The following RELN variants were observed in gnomAD, a reference collection of about 807,000 sequenced individuals.
RELN encodes the protein reelin.
RELN carries 108 observed loss-of-function variants against 427.6 expected under a neutral mutation model. The ratio of observed to expected loss-of-function variants is 0.25; its 90% CI spans 0.22 to 0.30. The LOEUF (loss-of-function observed/expected upper bound fraction) is 0.30. Ranked by LOEUF, RELN falls within the 10% of genes least tolerant of loss-of-function variation. The pLI is 1.00. For synonymous variants in RELN, 1,524 were observed against 1,513.4 expected, an observed-to-expected ratio of 1.01 and a Z score of -0.16; for missense variants, 3,715 against 4,302.8, an observed-to-expected ratio of 0.86 and a Z score of 3.82.
chr7:103,794,533 A>C (rs1792249954), intron 3 of RELN, among the ~76,000 whole-genome samples: 1 of 152,188 alleles, frequency 6.6e-6, no homozygotes, highest in African/African-American at 2.4e-5. Context: ...TGCATATCTA[A>C]GTTGCAACAA....
intron 36 of RELN, among the ~76,000 whole-genome samples, chr7:103,558,325 A>G (rs1830569345): frequency 6.6e-6 from 1 of 152,224 alleles, no homozygotes; most frequent in South Asian, 2.1e-4. Flanking sequence ...AAATGATAGC[A>G]TTACATATCT....
intron 2 of RELN, among the ~76,000 whole-genome samples, chr7:103,901,949 T>C (rs1473750821): frequency 1.3e-5 from 2 of 152,076 alleles, no homozygotes; most frequent in Non-Finnish European, 2.9e-5. Flanking sequence ...ACCAGAATAT[T>C]CCAAGCTTTT....
chr7:103,633,291 A>G (rs1389870375), intron 19 of RELN, among the ~76,000 whole-genome samples: 1 of 152,114 alleles, frequency 6.6e-6, no homozygotes, highest in Non-Finnish European at 1.5e-5. Context: ...AAATATAGCA[A>G]ATAGCTAAAG....
chr7:103,727,543 G>A (rs1790243041), intron 7 of RELN, among the ~76,000 whole-genome samples: 1 of 152,110 alleles, frequency 6.6e-6, no homozygotes, highest in African/African-American at 2.4e-5. Flanking sequence ...TTTTATATAT[G>A]ATTTGGCAAG....
intron 10 of RELN, among the ~76,000 whole-genome samples, chr7:103,683,430 C>T (rs1034103931): frequency 6.6e-6 from 1 of 152,134 alleles, no homozygotes; most frequent in African/African-American, 2.4e-5. Flanking sequence ...AGATATATAA[C>T]ATGATTTTCT....
At chr7:103,927,568 A>C (rs1309738933) in intron 1 of RELN, among the ~76,000 whole-genome samples, 1 of 152,194 alleles carries the variant, frequency 6.6e-6, no homozygotes, top group Non-Finnish European at 1.5e-5. Flanking sequence ...GGGAAAGTAT[A>C]AAAGATGAAA....
At chr7:103,634,347 C>A (rs1832532954) in intron 19 of RELN, among the ~76,000 whole-genome samples, 1 of 152,158 alleles carries the variant, frequency 6.6e-6, no homozygotes, top group Non-Finnish European at 1.5e-5. Context: ...GGAATTTTAA[C>A]TTTAAACCTT....
At chr7:103,811,615 G>A (rs1485237616) in intron 3 of RELN, among the ~76,000 whole-genome samples, 1 of 152,132 alleles carries the variant, frequency 6.6e-6, no homozygotes, top group Non-Finnish European at 1.5e-5. Context: ...TAAATAACAA[G>A]TCATTAATTC....
chr7:103,603,985 C>T lies in RELN; in HGVS notation c.3146+361G>A, dbSNP rs767801545. On this transcript the variant is annotated intron_variant, in intron 23 of 64. Transcript: ENST00000428762. This position sits in a 1 kb window ranked among gnomAD's most constrained non-coding sequence, Gnocchi z 4.3. Reference sequence around the variant, plus strand: ...AATCACCATCTCCCCATGTATACAACCTTGAACTTCTGGTGAAGTGGTGTA... The same window carrying T: ...AATCACCATCTCCCCATGTATACAATCTTGAACTTCTGGTGAAGTGGTGTA... Among the ~76,000 whole-genome samples, 3 of 152,014 alleles carry T rather than the reference C, an allele frequency of 2.0e-5. No homozygotes were observed. The South Asian group carries it at 6.2e-4, about 32-fold the overall frequency.
intron 4 of RELN, among the ~76,000 whole-genome samples, chr7:103,755,375 G>A (rs1186212036): frequency 1.3e-5 from 2 of 151,936 alleles, no homozygotes; most frequent in African/African-American, 4.8e-5. Flanking sequence ...TTGGGAGGCC[G>A]AGACGGGCCG....
At chr7:103,496,213 G>A (rs1458118201) in intron 56 of RELN, among the ~76,000 whole-genome samples, 1 of 152,170 alleles carries the variant, frequency 6.6e-6, no homozygotes, top group African/African-American at 2.4e-5. Flanking sequence ...TTGTCAGCCA[G>A]TGCATTAAGT....
intron 25 of RELN, among the ~76,000 whole-genome samples, chr7:103,594,773 A>G (rs1432606830): frequency 6.6e-6 from 1 of 152,214 alleles, no homozygotes; most frequent in Non-Finnish European, 1.5e-5. Context: ...TTTGACTACC[A>G]TGACAATGGT....
intron 25 of RELN, among the ~76,000 whole-genome samples, chr7:103,594,763 T>C (rs1048924304): frequency 6.6e-6 from 1 of 152,208 alleles, no homozygotes; most frequent in Non-Finnish European, 1.5e-5. Flanking sequence ...AACTATATCT[T>C]TTGACTACCA....
At chr7:103,913,917 A>G (rs1193254851) in intron 2 of RELN, among the ~76,000 whole-genome samples, 1 of 152,196 alleles carries the variant, frequency 6.6e-6, no homozygotes, top group Admixed American at 6.5e-5. Context: ...CATATAAAAC[A>G]TATGTCCTAT....
At chr7:103,674,339 T>C (rs1405116491) in intron 11 of RELN, among the ~76,000 whole-genome samples, 3 of 152,246 alleles carry the variant, frequency 2.0e-5, no homozygotes, top group African/African-American at 7.2e-5. Flanking sequence ...TCTCTGTTGG[T>C]TTAATCTGTT....
intron 60 of RELN, among the ~76,000 whole-genome samples, chr7:103,488,808 G>T (rs914453885): frequency 7.2e-5 from 11 of 152,180 alleles, no homozygotes; most frequent in Non-Finnish European, 1.2e-4. Context: ...TTCTTTGCCT[G>T]TAGCATGGGA....
At chr7:103,645,910 G>A (rs11983439) in intron 16 of RELN, among the ~76,000 whole-genome samples, 109,359 of 151,690 alleles carry the variant, frequency 0.72, 39,835 homozygotes, top group African/African-American at 0.82. Context: ...TAAATTTTAA[G>A]AAATCAAAAT....
In RELN at chr7:103,510,805, T is replaced by C. The variant is rs750890826; in HGVS notation, c.8274+46A>G. The C allele has an allele frequency of 2.7e-6, 4 of 1,461,362 alleles. No homozygotes were observed. In the South Asian group the frequency reaches 4.6e-5, roughly 17 times the overall value. The allele number at this position is 1,461,362 out of a possible 1,614,324, so 90.5% of individuals were successfully genotyped here. On this transcript the variant is annotated intron_variant, in intron 51 of 64. Coordinates refer to ENST00000428762, the MANE Select transcript of RELN (RefSeq NM_005045.4). ...CTTTTCTCTGATATTTTTTGTTATA[T>C]TGCTAATGTATGGTTGTTTATATAA...
intron 1 of RELN, among the ~76,000 whole-genome samples, chr7:103,938,706 T>C (rs977096362): frequency 2.0e-5 from 3 of 152,206 alleles, no homozygotes; most frequent in African/African-American, 7.2e-5. Context: ...CTTGAATAAA[T>C]GAGTCACCAC....
Sources: allele counts gnomAD v4.1 joint callset (sites outside exome capture counted in the v4.1 genomes callset), GRCh38; gene constraint gnomAD v4.1.1; non-coding constraint Gnocchi (gnomAD v3.1); transcripts MANE v1.5; gene names NCBI Gene and HGNC (gene_info 2026-07-23, HGNC 2026-07-21).